NAA25: variants seen among roughly 807,000 people sequenced by gnomAD.
The protein encoded by NAA25 is N-alpha-acetyltransferase 25, NatB auxiliary subunit.
Under a neutral mutation model 132.5 loss-of-function variants are expected in NAA25, and 30 were observed. The ratio of observed to expected loss-of-function variants is 0.23; its 90% CI spans 0.17 to 0.31. The LOEUF (loss-of-function observed/expected upper bound fraction) is 0.31. NAA25 is among the 10% of genes least tolerant of loss of function. NAA25 has a pLI of 1.00. For missense variants in NAA25, 771 were observed against 1,150.4 expected, an observed-to-expected ratio of 0.67 and a Z score of 4.77; for synonymous variants, 359 against 401.9, an observed-to-expected ratio of 0.89 and a Z score of 1.28.
intron 12 of NAA25, 56 bp from the exon 13 acceptor site, chr12:112,060,415 CAAAGGAGTTTTTA>C: frequency 8.2e-6 from 10 of 1,220,772 alleles, no homozygotes; most frequent in African/African-American, 1.5e-5. Context: ...TTACTGACCC[CAAAGGAGTTTTTA>C]AAAGCAGGAA....
rs1233758427 is a variant in NAA25, at chr12:112,028,226, T to G, written c.*1305A>C. 6.6e-6 allele frequency: 1 copy of G among 152,338 alleles called. No homozygotes were observed. Among genetic ancestry groups the G allele is most frequent in the Non-Finnish European group, 1.5e-5 (1 of 68,044 alleles). The allele number at this position is 152,338 out of a possible 1,614,324, so 9.4% of individuals were successfully genotyped here. ...CTCCATTGGATGCTTAATTTCCTCATCAAATTCATTTCTTTGCTCTTACAG... is the reference window on the plus strand; with the variant it reads ...CTCCATTGGATGCTTAATTTCCTCAGCAAATTCATTTCTTTGCTCTTACAG... On this transcript the variant is annotated 3_prime_UTR_variant, in exon 24 of 24. Transcript: ENST00000261745.
intron 13 of NAA25, 38 bp downstream of exon 13, chr12:112,060,232 G>T: frequency 7.1e-7 from 1 of 1,415,036 alleles, no homozygotes; most frequent in Non-Finnish European, 9.9e-7. Context: ...ATCAATAAAA[G>T]CAAAAAGTAA....
At chr12:112,085,135 C>G (rs2079027416) in intron 4 of NAA25, among the ~76,000 whole-genome samples, 1 of 151,656 alleles carries the variant, frequency 6.6e-6, no homozygotes, top group South Asian at 2.1e-4. Flanking sequence ...GAGGCTGAGG[C>G]AGGAGAATCG....
Position 112,108,681 on chromosome 12 carries a change from T to A in NAA25, c.58+35A>T, listed in dbSNP as rs1252858803. The A allele has an allele frequency of 3.5e-6, 5 of 1,438,346 alleles. No individual in the cohort carries two copies. The African/African-American group carries it at 7.3e-5, about 21-fold the overall frequency. The allele number at this position is 1,438,346 out of a possible 1,614,324, so 89.1% of individuals were successfully genotyped here. ...CCCAGCCTCGGCAGCCCTCGGCGCG[T>A]CGGGCTGGCGAGCGGGCTGGTCCAA... On this transcript the variant is annotated intron_variant, in intron 1 of 23. Transcript: ENST00000261745.
At chr12:112,075,890 C>CTTTTT in intron 7 of NAA25, 101 bp from the exon 8 acceptor site, 1 of 962,486 alleles carries the variant, frequency 1.0e-6, no homozygotes, top group Non-Finnish European at 1.5e-6. Flanking sequence ...ATTTTCTTTT[C>CTTTTT]TTTTTTTTTG....
intron 14 of NAA25, 33 bp from the exon 15 acceptor site, chr12:112,053,690 C>T (rs1293058693): frequency 6.7e-7 from 1 of 1,482,396 alleles, no homozygotes. Context: ...AAAAAAAAGA[C>T]ATGTTATACT....
In NAA25 at chr12:112,071,924, C is replaced by T. The variant is rs2136886797; in HGVS notation, c.1007G>A (p.Ser336Asn). ...AKLELIRRLR[S>N]QGCNDEYKLG... ...TTTGTACTCATCGTTACAACCTTGA[C>T]TTCGTAAACGCCTAATCAGCTCCAA... is the stretch of plus-strand genomic sequence containing the variant. The change falls in exon 10 of 24, where the codon AGT becomes AAT. Residue 336 changes from serine (S) to asparagine (N), a missense_variant. By Grantham distance (46) the Ser-to-Asn change is conservative. Transcript: ENST00000261745. 6.2e-7 allele frequency: 1 copy of T among 1,613,478 alleles called. No homozygotes were observed. The highest frequency in any genetic ancestry group is 8.5e-7 in the Non-Finnish European group (1 of 1,179,844).
rs2078419561 is a variant in NAA25, at chr12:112,048,408, A to C, written c.1764T>G (p.Gly588=). The change falls in exon 16 of 24, where the codon GGT becomes GGG. Residue 588 remains glycine (G), a synonymous_variant. Transcript: ENST00000261745. ...TAAACTCTGGGATCTTCTCAAATGC[A>C]CCATATTTGTAAGCTTGAATAATAT... ...SEYIIQAYKY[G]AFEKIPEFIA... The C allele has an allele frequency of 6.2e-7, 1 of 1,613,808 alleles. No individual in the cohort carries two copies.
rs768910748 is a variant in NAA25, at chr12:112,075,797, CAA to C, written c.665-10_665-9del. On this transcript the variant is annotated splice_polypyrimidine_tract_variant and intron_variant, in intron 7 of 23. Coordinates refer to ENST00000261745, the MANE Select transcript of NAA25 (RefSeq NM_024953.4). Reference sequence around the variant, plus strand: ...TCTCACTTGTCAACTTCTCTAAAATCAAAAGTTATAAAAGTTGGTAAGCTGGT... The same window carrying C: ...TCTCACTTGTCAACTTCTCTAAAATCAAGTTATAAAAGTTGGTAAGCTGGT... 4.3e-5 allele frequency: 70 copies of C among 1,610,542 alleles called. 2 individuals carry two copies. The South Asian group carries it at 6.6e-4, about 15-fold the overall frequency.
At chr12:112,070,341 G>A (rs1173013616) in intron 10 of NAA25, among the ~76,000 whole-genome samples, 4 of 152,092 alleles carry the variant, frequency 2.6e-5, no homozygotes, top group Non-Finnish European at 5.9e-5. Context: ...TTCTCTCAAT[G>A]CTTTACTATC....
intron 13 of NAA25, among the ~76,000 whole-genome samples, chr12:112,056,960 C>T (rs1312683289): frequency 4.6e-5 from 7 of 152,042 alleles, no homozygotes; most frequent in African/African-American, 7.2e-5. Flanking sequence ...GAGGCTGAGG[C>T]GGGCGGATCA....
Position 112,043,848 on chromosome 12 carries a change from T to C in NAA25, c.2027A>G (p.Lys676Arg). ...GGTCTCCTCCTCTAAGGAAAGTTTC[T>C]TATGTTCTTCAGAAACGTCCCTTAA... ...PKDRDVSEEH[K>R]KLSLEEETLW... The change falls in exon 18 of 24, where the codon AAG (lysine) becomes AGG (arginine). Residue 676 changes from lysine to arginine, a missense_variant. Around this residue, in one of 3 missense-constraint regions of NAA25, gnomAD observed 324 missense variants for 400.0 expected, o/e 0.81. Transcript: ENST00000261745. The C allele has an allele frequency of 1.2e-6, 2 of 1,613,612 alleles. No homozygotes were observed. Among genetic ancestry groups the C allele is most frequent in the Middle Eastern group, 1.6e-4 (1 of 6,062 alleles).
chr12:112,051,122 T>C (rs895322019), intron 15 of NAA25, among the ~76,000 whole-genome samples: 2 of 152,228 alleles, frequency 1.3e-5, no homozygotes, highest in African/African-American at 4.8e-5. Flanking sequence ...TAATCTTTCT[T>C]AGCCTTAGAT....
chr12:112,080,629 T>C (rs1464029376), intron 5 of NAA25, among the ~76,000 whole-genome samples: 3 of 151,808 alleles, frequency 2.0e-5, no homozygotes, highest in African/African-American at 7.3e-5. Flanking sequence ...GCCTCCAGAG[T>C]AGCTGGGATT....
At chr12:112,068,562 T>C (rs760523740) in intron 11 of NAA25, among the ~76,000 whole-genome samples, 2 of 151,852 alleles carry the variant, frequency 1.3e-5, no homozygotes, top group Non-Finnish European at 2.9e-5. Context: ...ATATATGAGA[T>C]GTGTTATTTC....
chr12:112,083,156 G>A (rs2078996667), intron 4 of NAA25, among the ~76,000 whole-genome samples: 1 of 152,082 alleles, frequency 6.6e-6, no homozygotes, highest in African/African-American at 2.4e-5. Flanking sequence ...AACCAGGATG[G>A]GGTAGATCAA....
chr12:112,069,570 C>T (rs2078771911), intron 10 of NAA25, among the ~76,000 whole-genome samples: 1 of 151,920 alleles, frequency 6.6e-6, no homozygotes, highest in African/African-American at 2.4e-5. Context: ...CCTGTAATCC[C>T]AGCACTTTGG....
chr12:112,026,839 T>TA lies in NAA25; in HGVS notation c.*2691dup, dbSNP rs2078093013. ...GAAGTTTCAATAACAAGCCTGTAGA[T>TA]ACATTGAAACCCCTTTTTATATTAA... On this transcript the variant is annotated 3_prime_UTR_variant, in exon 24 of 24. Transcript: ENST00000261745. 1 of 152,324 alleles carries TA rather than the reference T, an allele frequency of 6.6e-6. No homozygotes were observed. The highest frequency in any genetic ancestry group is 1.5e-5 in the Non-Finnish European group (1 of 68,030). 9.4% of individuals were successfully genotyped at this position (152,324 alleles called of 1,614,324 possible). A position where few individuals can be genotyped will look rare whatever the true frequency, so the allele number is the denominator to read the frequency against.
At chr12:112,093,275 T>C in intron 1 of NAA25, 139 bp from the exon 2 acceptor site, 1 of 522,540 alleles carries the variant, frequency 1.9e-6, no homozygotes. Context: ...CGTGGTGGCT[T>C]ACACCTGTAA....
Sources: gnomAD v4.1 joint callset for allele counts (sites outside exome capture counted in the v4.1 genomes callset) on GRCh38, gnomAD v4.1.1 for gene constraint, gnomAD v4.1.1 regional missense constraint, MANE v1.5 for transcripts, NCBI Gene and HGNC (gene_info 2026-07-23, HGNC 2026-07-21) for gene names.